Variants in AGBL1 observed in about 807,000 individuals in gnomAD.
AGBL1 encodes the protein cytosolic carboxypeptidase 4.
AGBL1 carries 130 observed loss-of-function variants against 118.9 expected under a neutral mutation model. That is an observed-to-expected ratio of 1.09 (90% CI 0.95 to 1.26). The LOEUF (loss-of-function observed/expected upper bound fraction) is 1.26, where lower values mean the gene tolerates loss of function less well. Ranked by LOEUF, AGBL1 falls within the 50% of genes most tolerant of loss-of-function variation. The pLI is 0.00. For missense variants in AGBL1, 1,584 were observed against 1,298.1 expected, an observed-to-expected ratio of 1.22 and a Z score of -3.38; for synonymous variants, 555 against 478.9, an observed-to-expected ratio of 1.16 and a Z score of -2.08.
chr15:86,370,253 T>C (rs1467029201), intron 17 of AGBL1, among the ~76,000 whole-genome samples: 2 of 152,002 alleles, frequency 1.3e-5, no homozygotes, highest in Non-Finnish European at 1.5e-5. Flanking sequence ...GGAGTGAGGA[T>C]TTACATCTGC....
intron 17 of AGBL1, among the ~76,000 whole-genome samples, chr15:86,358,174 A>T (rs563400249): frequency 1.3e-5 from 2 of 151,980 alleles, no homozygotes; most frequent in African/African-American, 4.8e-5. Context: ...CCTTTAATCA[A>T]TATCTCCCCA....
intron 21 of AGBL1, among the ~76,000 whole-genome samples, chr15:86,637,667 G>A (rs988501761): frequency 2.6e-5 from 4 of 152,154 alleles, no homozygotes; most frequent in Non-Finnish European, 5.9e-5. Context: ...CTTGGAGTAG[G>A]ACAAAAGCAA....
intron 18 of AGBL1, among the ~76,000 whole-genome samples, chr15:86,506,352 C>A (rs540937554): frequency 1.5e-3 from 221 of 152,044 alleles, no homozygotes; most frequent in Non-Finnish European, 1.6e-3. Flanking sequence ...GTTTTAAGTT[C>A]GGTGGTTTGC....
Position 86,247,990 on chromosome 15 carries a change from T to G in AGBL1, c.735+111T>G, listed in dbSNP as rs2078749274. ...GCTGGGAACGCCTCAGTCTATTTCTTGTTGCCTGCTAAGGGCGGATGTTCT... is the reference window on the plus strand; with the variant it reads ...GCTGGGAACGCCTCAGTCTATTTCTGGTTGCCTGCTAAGGGCGGATGTTCT... On this transcript the variant is annotated intron_variant, in intron 7 of 22. Coordinates refer to ENST00000614907, the MANE Select transcript of AGBL1 (RefSeq NM_001386094.1). The G allele has an allele frequency of 2.2e-6, 3 of 1,354,728 alleles. No homozygotes were observed. The South Asian group carries it at 3.6e-5, about 16-fold the overall frequency. The allele number at this position is 1,354,728 out of a possible 1,614,324, so 83.9% of individuals were successfully genotyped here. A position where few individuals can be genotyped will look rare whatever the true frequency, so the allele number is the denominator to read the frequency against.
rs573899266 is a variant in AGBL1 at position 86,471,468 on chromosome 15, G to A, written c.2556-51342G>A. Reference sequence around the variant, plus strand: ...TTGTTTGTATTTTGTGAGAATTTTTGTATCTGTTAATCAAGGATATTGGCC... The same window carrying A: ...TTGTTTGTATTTTGTGAGAATTTTTATATCTGTTAATCAAGGATATTGGCC... On this transcript the variant is annotated intron_variant, in intron 18 of 22. Coordinates refer to ENST00000614907, the MANE Select transcript of AGBL1 (RefSeq NM_001386094.1). Among the ~76,000 whole-genome samples, 32 of 144,580 alleles carry A rather than the reference G, an allele frequency of 2.2e-4. No individual in the cohort carries two copies. The South Asian group carries it at 5.6e-3, about 25-fold the overall frequency. The allele number at this position is 144,580 out of a possible 152,430, so 94.9% of individuals were successfully genotyped here.
At chr15:86,553,584 G>T (rs2083691694) in intron 20 of AGBL1, among the ~76,000 whole-genome samples, 2 of 152,158 alleles carry the variant, frequency 1.3e-5, no homozygotes, top group South Asian at 4.1e-4. Context: ...TTCTTCTCTA[G>T]AATCATCACT....
intron 24 of AGBL1, among the ~76,000 whole-genome samples, chr15:87,024,038 G>A (rs771705224): frequency 7.9e-5 from 12 of 151,826 alleles, no homozygotes; most frequent in Non-Finnish European, 1.5e-4. Flanking sequence ...GTCTAAAAGA[G>A]CACAAACAGA....
At chr15:86,777,453 T>G (rs2141300272) in intron 22 of AGBL1, among the ~76,000 whole-genome samples, 1 of 152,162 alleles carries the variant, frequency 6.6e-6, no homozygotes, top group East Asian at 1.9e-4. Context: ...CAATATCATC[T>G]TAGTCATTAT....
intron 18 of AGBL1, among the ~76,000 whole-genome samples, chr15:86,473,300 A>T (rs946320473): frequency 1.3e-5 from 2 of 152,166 alleles, no homozygotes; most frequent in African/African-American, 4.8e-5. Context: ...TCCCAGGGCC[A>T]TTCTAAGTAT....
chr15:86,660,691 C>A (rs2142515032), intron 21 of AGBL1, among the ~76,000 whole-genome samples: 1 of 152,082 alleles, frequency 6.6e-6, no homozygotes, highest in Non-Finnish European at 1.5e-5. Flanking sequence ...TTATGATTTT[C>A]TCTGCATTTG....
intron 23 of AGBL1, among the ~76,000 whole-genome samples, chr15:86,926,173 C>T (rs1021563503): frequency 1.3e-5 from 2 of 152,140 alleles, no homozygotes; most frequent in African/African-American, 4.8e-5. Flanking sequence ...TCATTTTCTT[C>T]TCTTTAGGTC....
intron 18 of AGBL1, among the ~76,000 whole-genome samples, chr15:86,501,515 C>T (rs911166476): frequency 2.6e-5 from 4 of 151,466 alleles, no homozygotes; most frequent in Non-Finnish European, 3.0e-5. Flanking sequence ...TCTAAGAAAC[C>T]ATACCCTAAC....
chr15:86,491,859 T>G (rs1235232300), intron 18 of AGBL1, among the ~76,000 whole-genome samples: 2 of 139,996 alleles, frequency 1.4e-5, no homozygotes, highest in African/African-American at 2.7e-5. Context: ...TGGCTGTGTG[T>G]GGGGGGTGGG....
At chr15:86,830,216 T>A (rs995100507) in intron 22 of AGBL1, among the ~76,000 whole-genome samples, 5 of 152,218 alleles carry the variant, frequency 3.3e-5, no homozygotes, top group Admixed American at 6.5e-5. Flanking sequence ...CTACACATTA[T>A]ACCCATGCAA....
chr15:86,205,468 C>T (rs975485146), intron 5 of AGBL1, among the ~76,000 whole-genome samples: 1 of 152,100 alleles, frequency 6.6e-6, no homozygotes. Flanking sequence ...TAGGTAAATA[C>T]GAAGGAGCAC....
At chr15:86,299,549 G>T (rs969009669) in intron 17 of AGBL1, among the ~76,000 whole-genome samples, 4 of 152,114 alleles carry the variant, frequency 2.6e-5, no homozygotes, top group East Asian at 3.9e-4. Flanking sequence ...GCTCCAACAG[G>T]TTGGAGCAGA....
intron 5 of AGBL1, among the ~76,000 whole-genome samples, chr15:86,217,444 C>G (rs1169183950): frequency 2.0e-5 from 3 of 152,152 alleles, no homozygotes; most frequent in African/African-American, 7.2e-5. Flanking sequence ...TTTTCTGGAG[C>G]TTGCAGAGTG....
At chr15:86,916,335 A>T (rs8034305), downstream of AGBL1, among the ~76,000 whole-genome samples, 25,858 of 152,038 alleles carry the variant, frequency 0.17, 2,827 homozygotes, top group African/African-American at 0.31. Flanking sequence ...ATTTTTTTTT[A>T]AATTTTTTAA....
intron 17 of AGBL1, among the ~76,000 whole-genome samples, chr15:86,335,341 T>G (rs1168134904): frequency 2.0e-5 from 3 of 152,096 alleles, no homozygotes; most frequent in Non-Finnish European, 2.9e-5. Flanking sequence ...GGTTTCACTG[T>G]GTTGGCCAGG....
Sources: gnomAD v4.1 joint callset for allele counts (sites outside exome capture counted in the v4.1 genomes callset) on GRCh38, gnomAD v4.1.1 for gene constraint, MANE v1.5 for transcripts, NCBI Gene and HGNC (gene_info 2026-07-23, HGNC 2026-07-21) for gene names.